SNTG1: variants seen among roughly 807,000 people sequenced by gnomAD.
SNTG1 encodes the protein gamma-1-syntrophin.
In SNTG1, 39 loss-of-function variants were observed where a neutral mutation model predicts 74.7. The ratio of observed to expected loss-of-function variants is 0.52; its 90% confidence interval spans 0.40 to 0.68. The LOEUF is 0.68. Among genes scored for constraint, SNTG1 ranks in the 30% least tolerant of loss-of-function variants. The pLI, the probability that SNTG1 is intolerant of heterozygous loss-of-function variation, is 0.00. For missense variants in SNTG1, 685 were observed against 609.5 expected (o/e 1.12, Z -1.30); for synonymous variants, 254 against 217.1 (o/e 1.17, Z -1.49).
chr8:50,273,206 G>A (rs1486813203), intron 2 of SNTG1, among the ~76,000 whole-genome samples: 1 of 152,090 alleles, frequency 6.6e-6, no homozygotes, highest in African/African-American at 2.4e-5. Context: ...TATATTATAA[G>A]GGCTTTGAGG....
At chr8:50,425,133 C>T (rs2093145183) in intron 4 of SNTG1, among the ~76,000 whole-genome samples, 1 of 152,048 alleles carries the variant, frequency 6.6e-6, no homozygotes, top group Non-Finnish European at 1.5e-5. Flanking sequence ...AGATTTGCGT[C>T]CGGGCAGGTG....
intron 13 of SNTG1, among the ~76,000 whole-genome samples, chr8:50,618,891 A>ATGTGTGTGTGTG (rs34924863): frequency 3.8e-4 from 56 of 148,454 alleles, no homozygotes; most frequent in African/African-American, 1.3e-3. Flanking sequence ...ATATGTGTAT[A>ATGTGTGTGTGTG]TGTGTGTGTG....
chr8:49,984,655 GT>G (rs1335210030), intron 1 of SNTG1, among the ~76,000 whole-genome samples: 1 of 152,038 alleles, frequency 6.6e-6, no homozygotes, highest in Non-Finnish European at 1.5e-5. Flanking sequence ...AATAAATGTT[GT>G]TTTTAAATTT....
chr8:50,693,253 C>G lies in SNTG1; in HGVS notation c.1039-11347C>G, dbSNP rs1363144275. 1.3e-5 allele frequency among the ~76,000 whole-genome samples: 2 copies of G among 152,126 alleles called. 1 individual carries two copies. Among genetic ancestry groups the G allele is most frequent in the Admixed American group, 1.3e-4 (2 of 15,282 alleles). ...TCGGCTTGTGCACAGTGCAGGGCAC[C>G]CACTGTCCTGCACCTACTATCTGGC... On this transcript the variant is annotated intron_variant, in intron 15 of 18. Transcript: ENST00000642720.
intron 13 of SNTG1, among the ~76,000 whole-genome samples, chr8:50,636,773 T>A (rs1408136451): frequency 6.6e-6 from 1 of 152,166 alleles, no homozygotes; most frequent in Non-Finnish European, 1.5e-5. Flanking sequence ...TGAAGGTCCT[T>A]TTTTAATGTA....
intron 1 of SNTG1, among the ~76,000 whole-genome samples, chr8:50,058,574 T>C (rs1233872826): frequency 6.6e-6 from 1 of 152,148 alleles, no homozygotes; most frequent in Non-Finnish European, 1.5e-5. Flanking sequence ...ACTTTGAGGA[T>C]TGACATGCAG....
chr8:49,937,535 A>G (rs1289749521), intron 1 of SNTG1, among the ~76,000 whole-genome samples: 2 of 152,248 alleles, frequency 1.3e-5, no homozygotes, highest in Non-Finnish European at 2.9e-5. Flanking sequence ...TTCTCTATGT[A>G]GCTCACATTA....
chr8:50,054,580 T>C (rs1819866950), intron 1 of SNTG1, among the ~76,000 whole-genome samples: 1 of 152,146 alleles, frequency 6.6e-6, no homozygotes, highest in South Asian at 2.1e-4. Context: ...AGAGCATTTC[T>C]CAGTGGCTTC....
chr8:50,789,235 A>C (rs1215996312), intron 18 of SNTG1, among the ~76,000 whole-genome samples: 7 of 152,024 alleles, frequency 4.6e-5, no homozygotes, highest in Non-Finnish European at 4.4e-5. Context: ...CTGTGTTGCT[A>C]AATTCAATGG....
At chr8:50,054,822 C>G (rs557653437) in intron 1 of SNTG1, among the ~76,000 whole-genome samples, 10 of 152,162 alleles carry the variant, frequency 6.6e-5, no homozygotes, top group African/African-American at 2.4e-4. Flanking sequence ...CAGGTGTGCA[C>G]CACCATGCCC....
intron 8 of SNTG1, among the ~76,000 whole-genome samples, chr8:50,484,741 C>G (rs1440849716): frequency 1.3e-5 from 2 of 150,214 alleles, no homozygotes; most frequent in Non-Finnish European, 2.9e-5. Flanking sequence ...TGCCTGCAAC[C>G]CCAGCTACTT....
At chr8:49,921,054 G>A (rs1806494851) in intron 1 of SNTG1, among the ~76,000 whole-genome samples, 1 of 151,998 alleles carries the variant, frequency 6.6e-6, no homozygotes, top group Non-Finnish European at 1.5e-5. Flanking sequence ...TGCAGGTGAA[G>A]AACCCATTAA....
At chr8:50,612,047 C>T (rs1233440013) in intron 13 of SNTG1, among the ~76,000 whole-genome samples, 2 of 152,140 alleles carry the variant, frequency 1.3e-5, no homozygotes, top group Admixed American at 6.6e-5. Flanking sequence ...TGTGAGCCAC[C>T]ACACCCGGAC....
chr8:50,181,060 G>A (rs921936571), intron 2 of SNTG1, among the ~76,000 whole-genome samples: 13 of 152,174 alleles, frequency 8.5e-5, no homozygotes, highest in Middle Eastern at 6.8e-3. Flanking sequence ...CACTGCACCC[G>A]GCCTGTGAAC....
At chr8:50,624,700 G>A (rs749643819) in intron 13 of SNTG1, among the ~76,000 whole-genome samples, 80 of 152,172 alleles carry the variant, frequency 5.3e-4, no homozygotes, top group Admixed American at 4.8e-3. Flanking sequence ...TAACATCACC[G>A]TCTTTCAAGT....
At chr8:50,217,345 G>A (rs2084840831) in intron 2 of SNTG1, among the ~76,000 whole-genome samples, 1 of 151,750 alleles carries the variant, frequency 6.6e-6, no homozygotes, top group Admixed American at 6.6e-5. Flanking sequence ...TCAATCACTG[G>A]GAAGACAGCC....
At chr8:50,450,004 C>T (rs2093441216) in intron 6 of SNTG1, among the ~76,000 whole-genome samples, 1 of 152,068 alleles carries the variant, frequency 6.6e-6, no homozygotes, top group South Asian at 2.1e-4. Context: ...TTCATTAAAC[C>T]AACAAAGATA....
At chr8:50,555,882 A>G (rs2094453084) in intron 12 of SNTG1, among the ~76,000 whole-genome samples, 1 of 152,186 alleles carries the variant, frequency 6.6e-6, no homozygotes, top group Non-Finnish European at 1.5e-5. Flanking sequence ...GTTGGAGAAC[A>G]GACAGGGGAA....
At chr8:49,932,740 A>G (rs1371775150) in intron 1 of SNTG1, among the ~76,000 whole-genome samples, 2 of 152,152 alleles carry the variant, frequency 1.3e-5, no homozygotes, top group African/African-American at 4.8e-5. Flanking sequence ...ATCATCTCCA[A>G]AACAAACTCT....
Sources: allele counts gnomAD v4.1 joint callset (sites outside exome capture counted in the v4.1 genomes callset), GRCh38; gene constraint gnomAD v4.1.1; transcripts MANE v1.5; gene names NCBI Gene and HGNC (gene_info 2026-07-23, HGNC 2026-07-21).